PARP6: variants seen among roughly 807,000 people sequenced by gnomAD.
PARP6 encodes the protein poly(ADP-ribose) polymerase family member 6.
PARP6 carries 27 observed loss-of-function variants against 92.0 expected under a neutral mutation model. The observed-to-expected ratio is 0.29, with a 90% CI of 0.22 to 0.40. The LOEUF is 0.40. PARP6 is among the 10% of genes least tolerant of loss of function. The probability of loss-of-function intolerance (pLI) is 1.00; values close to 1 mark genes in which losing one functional copy is unlikely to be tolerated. For missense variants in PARP6, 501 were observed against 784.5 expected (o/e 0.64, Z 4.32); for synonymous variants, 272 against 281.2 (o/e 0.97, Z 0.33).
intron 20 of PARP6, among the ~76,000 whole-genome samples, chr15:72,247,563 T>C (rs1308489379): frequency 1.3e-5 from 2 of 152,220 alleles, no homozygotes; most frequent in Non-Finnish European, 2.9e-5. Flanking sequence ...TAGATAAAAC[T>C]AAAATAATTT....
chr15:72,241,272 C>G lies in PARP6; in HGVS notation c.*183G>C. The G allele has an allele frequency of 1.4e-6, 1 of 692,112 alleles. No individual in the cohort carries two copies. The highest frequency in any genetic ancestry group is 2.6e-6 in the Non-Finnish European group (1 of 377,562). The allele number at this position is 692,112 out of a possible 1,614,324, so 42.9% of individuals were successfully genotyped here. Reference sequence around the variant, plus strand: ...AGGGGATGGAGTCAGTCTGGGCCATCCGAATGTGGAGTAGTTCTTGGGTCA... The same window carrying G: ...AGGGGATGGAGTCAGTCTGGGCCATGCGAATGTGGAGTAGTTCTTGGGTCA... On this transcript the variant is annotated 3_prime_UTR_variant, in exon 24 of 24. Coordinates refer to ENST00000569795, the MANE Select transcript of PARP6 (RefSeq NM_001323532.2). This position sits in a 1 kb window ranked among gnomAD's most constrained non-coding sequence, Gnocchi z 4.1.
At chr15:72,267,744 A>G in intron 2 of PARP6, 73 bp from the exon 3 acceptor site, 2 of 418,746 alleles carry the variant, frequency 4.8e-6, no homozygotes, top group Non-Finnish European at 8.6e-6. Flanking sequence ...AGGCACACGT[A>G]TTTATCAATA....
At chr15:72,247,801 T>C (rs181582554) in intron 20 of PARP6, among the ~76,000 whole-genome samples, 20 of 152,302 alleles carry the variant, frequency 1.3e-4, no homozygotes, top group Non-Finnish European at 7.3e-5. Flanking sequence ...ATTTTTTTTT[T>C]AGGCAGAGTC....
At chr15:72,257,965 G>A in intron 12 of PARP6, 72 bp downstream of exon 12, 2 of 1,070,362 alleles carry the variant, frequency 1.9e-6, no homozygotes, top group African/African-American at 1.5e-5. Context: ...ACAGACCAAG[G>A]AAGAAGGAAA....
At chr15:72,267,068 T>G in intron 3 of PARP6, 1 of 525,942 alleles carries the variant, frequency 1.9e-6, no homozygotes. Flanking sequence ...TTTGGCCTTC[T>G]GAAGTCTCAG....
At chr15:72,246,106 C>G (rs1262739994) in intron 20 of PARP6, among the ~76,000 whole-genome samples, 1 of 152,176 alleles carries the variant, frequency 6.6e-6, no homozygotes, top group African/African-American at 2.4e-5. Context: ...TGGTCACTTG[C>G]CCTGTGTGGA....
chr15:72,267,737 C>A (rs1198385872), intron 2 of PARP6, 66 bp from the exon 3 acceptor site: 1 of 452,132 alleles, frequency 2.2e-6, no homozygotes, highest in African/African-American at 2.0e-5. Context: ...TATATACAGG[C>A]ACACGTATTT....
At position 72,265,569 on chromosome 15, in the gene PARP6, G is replaced by T. The variant is rs946395940; in HGVS notation, c.177-96C>A. 1.8e-5 allele frequency: 17 copies of T among 958,666 alleles called. 1 individual carries two copies. In the East Asian group the frequency reaches 2.9e-4, roughly 16 times the overall value. 59.4% of individuals were successfully genotyped at this position (958,666 alleles called of 1,614,324 possible). A position where few individuals can be genotyped will look rare whatever the true frequency, so the allele number is the denominator to read the frequency against. On this transcript the variant is annotated intron_variant, in intron 5 of 23. Coordinates refer to ENST00000569795, the MANE Select transcript of PARP6 (RefSeq NM_001323532.2). ...AAGAGAACTGAGCCTGGGGACAGGGGAAAGGGAAGAGTGGATGACAGTTTT... is the reference window on the plus strand; with the variant it reads ...AAGAGAACTGAGCCTGGGGACAGGGTAAAGGGAAGAGTGGATGACAGTTTT...
chr15:72,261,727 G>A lies in PARP6; in HGVS notation c.396-20C>T. ...AGGATCCTGAGGGATCAAAAAGAAT[G>A]AGCTTAGGCAAGATGAGGCAGGGTC... On this transcript the variant is annotated intron_variant, in intron 8 of 23. Coordinates refer to ENST00000569795, the MANE Select transcript of PARP6 (RefSeq NM_001323532.2). The A allele has an allele frequency of 6.2e-7, 1 of 1,612,986 alleles. No individual in the cohort carries two copies. Among genetic ancestry groups the A allele is most frequent in the Non-Finnish European group, 8.5e-7 (1 of 1,179,160 alleles).
Position 72,250,963 on chromosome 15 carries a change from C to A in PARP6, c.1309-9G>T. 6.3e-7 allele frequency: 1 copy of A among 1,598,940 alleles called. No homozygotes were observed. Among genetic ancestry groups the A allele is most frequent in the South Asian group, 1.1e-5 (1 of 89,866 alleles). On this transcript the variant is annotated splice_polypyrimidine_tract_variant and intron_variant, in intron 17 of 23. Coordinates refer to ENST00000569795, the MANE Select transcript of PARP6 (RefSeq NM_001323532.2). Reference sequence around the variant, plus strand: ...GTGTGCATGAACTTCAGCTGCTGCCCAGGGTGGGGGTGGAATCAGGAAAAC... The same window carrying A: ...GTGTGCATGAACTTCAGCTGCTGCCAAGGGTGGGGGTGGAATCAGGAAAAC...
At chr15:72,243,466 T>C (rs1235375459) in intron 20 of PARP6, 1 of 152,218 alleles carries the variant, frequency 6.6e-6, no homozygotes, top group African/African-American at 2.4e-5. Flanking sequence ...GAAATCACAA[T>C]GGCAACTAAC....
chr15:72,271,628 A>T (rs1413397398), intron 1 of PARP6, among the ~76,000 whole-genome samples: 11 of 152,242 alleles, frequency 7.2e-5, no homozygotes. Flanking sequence ...AAGGACTGGG[A>T]TGTAAAGACA....
At chr15:72,268,181 T>C (rs928562114) in intron 2 of PARP6, among the ~76,000 whole-genome samples, 1 of 152,232 alleles carries the variant, frequency 6.6e-6, no homozygotes, top group African/African-American at 2.4e-5. Flanking sequence ...TGCAAGATAC[T>C]GCTGTTCTAC....
intron 14 of PARP6, 52 bp downstream of exon 14, chr15:72,256,413 A>G: frequency 7.1e-7 from 1 of 1,417,538 alleles, no homozygotes; most frequent in Non-Finnish European, 9.3e-7. Context: ...ATAGTCTGCC[A>G]CTATCTTTTA....
At chr15:72,256,358 T>C (rs1289030321) in intron 14 of PARP6, 107 bp downstream of exon 14, 3 of 875,150 alleles carry the variant, frequency 3.4e-6, no homozygotes, top group Non-Finnish European at 4.7e-6. Flanking sequence ...AGTTTAAGAA[T>C]TCTGTCCCTT....
chr15:72,257,460 A>AGAT lies in PARP6; in HGVS notation c.907-23_907-21dup. The AGAT allele has an allele frequency of 6.3e-7, 1 of 1,596,612 alleles. No individual in the cohort carries two copies. The highest frequency in any genetic ancestry group is 8.6e-7 in the Non-Finnish European group (1 of 1,164,106). ...AGCTGGCTGAAAGGATATATTAAAC[A>AGAT]GATGGTGGTGGGATGGGGTGTGCAA... is the stretch of plus-strand genomic sequence containing the variant. On this transcript the variant is annotated intron_variant, in intron 12 of 23. Coordinates refer to ENST00000569795, the MANE Select transcript of PARP6 (RefSeq NM_001323532.2).
At position 72,241,475 on chromosome 15, in the gene PARP6, T is replaced by A. The variant is rs1032271103; in HGVS notation, c.1873A>T (p.Thr625Ser). The A allele has an allele frequency of 6.2e-7, 1 of 1,613,990 alleles. No homozygotes were observed. Among genetic ancestry groups the A allele is most frequent in the Non-Finnish European group, 8.5e-7 (1 of 1,179,890 alleles). Residue 625 changes from threonine to serine, a missense_variant, in exon 24 of 24, where the codon ACT (threonine) becomes TCT (serine). Thr to Ser is a moderately conservative substitution (Grantham distance 58). This residue lies in a region of PARP6 where 17 missense variants were observed against 16.5 expected (regional missense o/e 1.03). Coordinates refer to ENST00000569795, the MANE Select transcript of PARP6 (RefSeq NM_001323532.2). This position sits in a 1 kb window ranked among gnomAD's most constrained non-coding sequence, Gnocchi z 4.1. ...IQKEIMRVIGTQVYTN is the reference protein window; with the variant it reads ...IQKEIMRVIGSQVYTN ...CCCCCTCAGTTTGTGTAAACCTGAG[T>A]TCCGATCACACGCATGATTTCCTTC...
chr15:72,246,081 T>C (rs1158628934), intron 20 of PARP6, among the ~76,000 whole-genome samples: 1 of 152,246 alleles, frequency 6.6e-6, no homozygotes, highest in East Asian at 1.9e-4. Context: ...ACTCATATAT[T>C]CAATAAATAT....
chr15:72,255,782 CTCTTTT>C (rs2085011549), intron 14 of PARP6, among the ~76,000 whole-genome samples: 20 of 61,846 alleles, frequency 3.2e-4, no homozygotes, highest in Admixed American at 6.9e-4. Context: ...TATTACTTCT[CTCTTTT>C]TTTTTTTTTT....
Sources: gnomAD v4.1 joint callset for allele counts (sites outside exome capture counted in the v4.1 genomes callset) on GRCh38, gnomAD v4.1.1 for gene constraint, gnomAD v4.1.1 regional missense constraint, Gnocchi (gnomAD v3.1) non-coding constraint, MANE v1.5 for transcripts, NCBI Gene and HGNC (gene_info 2026-07-23, HGNC 2026-07-21) for gene names.